The following PLCL1 variants were observed in gnomAD, a reference collection of about 807,000 sequenced individuals.
PLCL1 encodes the protein phospholipase C like 1 (inactive).
A neutral mutation model predicts 84.4 loss-of-function variants in PLCL1; 41 were observed. The observed-to-expected ratio is 0.49, with a 90% CI of 0.38 to 0.63. The LOEUF is 0.63. PLCL1 is among the 30% of genes least tolerant of loss of function. PLCL1 has a pLI of 0.00. For missense variants in PLCL1, 1,206 were observed against 1,367.8 expected (o/e 0.88, Z 1.87); for synonymous variants, 490 against 488.3 (o/e 1.00, Z -0.05).
At position 198,086,108 on chromosome 2, in the gene PLCL1, G is replaced by A. The variant is rs773441467; in HGVS notation, c.2591G>A (p.Arg864Lys). 1 of 1,614,058 alleles carries A rather than the reference G, an allele frequency of 6.2e-7. No individual in the cohort carries two copies. Among genetic ancestry groups the A allele is most frequent in the Admixed American group, 1.7e-5 (1 of 59,998 alleles). ...GKAQKRSLSV[R>K]MGKKVREYTM... ...GCACAGAAGCGCAGTCTTTCAGTGA[G>A]AATGGGGAAGAAAGTTCGGGAATAT... Residue 864 changes from arginine (R) to lysine (K), a missense_variant, in exon 2 of 6, where the codon AGA becomes AAA. Transcript: ENST00000428675.
chr2:197,869,088 A>G (rs989437178), intron 1 of PLCL1, among the ~76,000 whole-genome samples: 170 of 152,266 alleles, frequency 1.1e-3, no homozygotes, highest in African/African-American at 3.9e-3. Flanking sequence ...TAGCTCTTAC[A>G]TCTTGTCTGT....
chr2:197,890,930 A>G (rs896771009), intron 1 of PLCL1, among the ~76,000 whole-genome samples: 2 of 150,238 alleles, frequency 1.3e-5, no homozygotes, highest in African/African-American at 4.9e-5. Context: ...GTATCCTTCC[A>G]ATCAATAAAT....
At chr2:197,922,897 C>CG (rs1688738796) in intron 1 of PLCL1, among the ~76,000 whole-genome samples, 1 of 133,374 alleles carries the variant, frequency 7.5e-6, no homozygotes, top group Non-Finnish European at 1.7e-5. Context: ...GCTGGCCGGG[C>CG]GGGGGGCTGA....
chr2:197,961,135 C>G (rs574199339), intron 1 of PLCL1, among the ~76,000 whole-genome samples: 1 of 152,014 alleles, frequency 6.6e-6, no homozygotes, highest in African/African-American at 2.4e-5. Flanking sequence ...ATGCTTTTCC[C>G]TTTCCCATAG....
chr2:197,813,660 G>A (rs1008693004), intron 1 of PLCL1, among the ~76,000 whole-genome samples: 1 of 152,002 alleles, frequency 6.6e-6, no homozygotes, highest in Non-Finnish European at 1.5e-5. Context: ...GTCTAGCATT[G>A]TTTTGAGCAT....
At chr2:197,919,887 C>A (rs1468644505) in intron 1 of PLCL1, among the ~76,000 whole-genome samples, 1 of 152,164 alleles carries the variant, frequency 6.6e-6, no homozygotes, top group Non-Finnish European at 1.5e-5. Context: ...AAGAAAATGA[C>A]AAGTTCTTAG....
intron 1 of PLCL1, among the ~76,000 whole-genome samples, chr2:197,971,027 A>C (rs1689853025): frequency 6.6e-6 from 1 of 152,226 alleles, no homozygotes; most frequent in Non-Finnish European, 1.5e-5. Flanking sequence ...ATGCCCATTA[A>C]ATACTTCTCC....
At chr2:197,891,686 C>T (rs2105726574) in intron 1 of PLCL1, among the ~76,000 whole-genome samples, 1 of 152,004 alleles carries the variant, frequency 6.6e-6, no homozygotes, top group South Asian at 2.1e-4. Flanking sequence ...AATGTTTTCC[C>T]AGCTTCTTGT....
At chr2:197,865,567 T>G (rs1687513151) in intron 1 of PLCL1, among the ~76,000 whole-genome samples, 1 of 152,182 alleles carries the variant, frequency 6.6e-6, no homozygotes, top group African/African-American at 2.4e-5. Context: ...GAATTCTTCT[T>G]GAATTTACCT....
At chr2:198,055,352 TGAGAGAGAGAGAAAGA>T (rs1192280885) in intron 1 of PLCL1, among the ~76,000 whole-genome samples, 4 of 96,166 alleles carry the variant, frequency 4.2e-5, no homozygotes, top group Non-Finnish European at 6.2e-5. Context: ...TGTCTGTGTA[TGAGAGAGAGAGAAAGA>T]GAGAGAGAGA....
intron 1 of PLCL1, among the ~76,000 whole-genome samples, chr2:197,865,849 C>T (rs917850325): frequency 1.3e-5 from 2 of 149,704 alleles, no homozygotes; most frequent in African/African-American, 4.9e-5. Context: ...CCTGTCTGTA[C>T]AAAAAATACA....
chr2:197,808,814 G>A (rs1370297378), intron 1 of PLCL1, among the ~76,000 whole-genome samples: 1 of 152,154 alleles, frequency 6.6e-6, no homozygotes, highest in Admixed American at 6.5e-5. Flanking sequence ...TTCTTCCATT[G>A]TATGTGACAC....
At chr2:197,810,376 G>A (rs1574890511) in intron 1 of PLCL1, 1 of 645,374 alleles carries the variant, frequency 1.5e-6, no homozygotes, top group East Asian at 6.7e-5. Context: ...CTGTTGATTA[G>A]TGTTTGCTAC....
rs536302662 is a variant in PLCL1, at chr2:197,906,630, C to G, written c.240+101291C>G. Among the ~76,000 whole-genome samples the G allele has an allele frequency of 7.2e-5, 11 of 152,134 alleles. No individual in the cohort carries two copies. In the East Asian group the frequency reaches 1.9e-3, roughly 27 times the overall value. On this transcript the variant is annotated intron_variant, in intron 1 of 5. Coordinates refer to ENST00000428675, the MANE Select transcript of PLCL1 (RefSeq NM_006226.4). ...AATGGTATCTTGATGGGAATAGCAT[C>G]GAATCTATAAATTACTTTGGGCAGT...
chr2:198,117,319 C>T (rs865984295), intron 5 of PLCL1, among the ~76,000 whole-genome samples: 1 of 136,170 alleles, frequency 7.3e-6, no homozygotes, highest in African/African-American at 2.7e-5. Flanking sequence ...CTCTATCAGT[C>T]ATTTTCTGTT....
chr2:197,980,543 A>G (rs1412156003), intron 1 of PLCL1, among the ~76,000 whole-genome samples: 1 of 152,170 alleles, frequency 6.6e-6, no homozygotes, highest in Non-Finnish European at 1.5e-5. Context: ...ATTTCAAGTG[A>G]GAGAATGAAT....
chr2:198,069,219 G>A lies in PLCL1; in HGVS notation c.241-14539G>A, dbSNP rs181952318. Among the ~76,000 whole-genome samples the A allele has an allele frequency of 4.0e-5, 6 of 150,898 alleles. No homozygotes were observed. The East Asian group carries it at 7.9e-4, about 20-fold the overall frequency. ...AAGGATATGCACCAGAGCTGGGCAC[G>A]GTGGCTCATGCCTGTAATCCCAGCA... On this transcript the variant is annotated intron_variant, in intron 1 of 5. Transcript: ENST00000428675.
intron 1 of PLCL1, among the ~76,000 whole-genome samples, chr2:197,856,201 A>G (rs1485431312): frequency 1.3e-5 from 2 of 152,228 alleles, no homozygotes; most frequent in Admixed American, 6.5e-5. Flanking sequence ...TAGGGAGTTC[A>G]TGGACTACTT....
At chr2:197,930,171 T>G (rs571567291) in intron 1 of PLCL1, among the ~76,000 whole-genome samples, 1 of 152,356 alleles carries the variant, frequency 6.6e-6, no homozygotes, top group East Asian at 1.9e-4. Context: ...ATGTGCCATT[T>G]AGATCTTTTA....
Sources: gnomAD v4.1 joint callset for allele counts (sites outside exome capture counted in the v4.1 genomes callset) on GRCh38, gnomAD v4.1.1 for gene constraint, MANE v1.5 for transcripts, NCBI Gene and HGNC (gene_info 2026-07-23, HGNC 2026-07-21) for gene names.